The following ADGRV1 variants were observed in gnomAD, a reference collection of about 807,000 sequenced individuals.
ADGRV1 encodes adhesion G protein-coupled receptor V1, also known as G-protein coupled receptor 98.
A neutral mutation model predicts 596.2 loss-of-function variants in ADGRV1; 359 were observed. The observed-to-expected ratio is 0.60, with a 90% confidence interval of 0.55 to 0.66. The LOEUF (loss-of-function observed/expected upper bound fraction) is 0.66, where lower values mean the gene tolerates loss of function less well. ADGRV1 is among the 30% of genes least tolerant of loss of function. ADGRV1 has a pLI of 0.00. For missense variants in ADGRV1, 7,274 were observed against 7,575.6 expected, an observed-to-expected ratio of 0.96 and a Z score of 1.48; for synonymous variants, 2,681 against 2,679.2, an observed-to-expected ratio of 1.00 and a Z score of -0.02.
chr5:90,888,484 C>T (rs1389757165), intron 83 of ADGRV1, among the ~76,000 whole-genome samples: 1 of 151,844 alleles, frequency 6.6e-6, no homozygotes, highest in African/African-American at 2.4e-5. Flanking sequence ...TGCTTAAAAA[C>T]AAAATAATAC....
chr5:90,857,218 T>C (rs1408304182), intron 82 of ADGRV1, among the ~76,000 whole-genome samples: 1 of 152,088 alleles, frequency 6.6e-6, no homozygotes, highest in Non-Finnish European at 1.5e-5. Flanking sequence ...TATTTTACTT[T>C]TATGCTAATG....
In ADGRV1 at chr5:90,694,332, A is replaced by G. The variant is rs75191159; in HGVS notation, c.7576A>G (p.Ile2526Val). The part of the protein sequence containing the change: ...GDEFANLTVS[I>V]LPDDFPEMDE... The stretch of plus-strand genomic sequence containing the variant: ...TGAATTCGCAAATCTCACAGTGTCT[A>G]TTCTTCCTGATGATTTCCCAGAGAT... Residue 2526 changes from isoleucine (I) to valine (V), a missense_variant, in exon 33 of 90, where the codon ATT (isoleucine) becomes GTT (valine). Around this residue, in one of 5 missense-constraint regions of ADGRV1, gnomAD observed 3,643 missense variants for 3,809.2 expected, o/e 0.96. Transcript: ENST00000405460. 3.7e-3 allele frequency: 5,912 copies of G among 1,613,950 alleles called. 175 individuals are homozygous for G. In the African/African-American group the frequency reaches 0.068, roughly 19 times the overall value.
chr5:90,799,276 A>G (rs1456589114), intron 70 of ADGRV1, among the ~76,000 whole-genome samples: 5 of 152,200 alleles, frequency 3.3e-5, no homozygotes, highest in Non-Finnish European at 5.9e-5. Context: ...ATTCTTATAC[A>G]CCAATAACAA....
chr5:91,009,362 G>T (rs1178560767), intron 85 of ADGRV1, among the ~76,000 whole-genome samples: 1 of 152,116 alleles, frequency 6.6e-6, no homozygotes, highest in Non-Finnish European at 1.5e-5. Flanking sequence ...ACAGGTCTCA[G>T]ATTGTACTTA....
intron 89 of ADGRV1, among the ~76,000 whole-genome samples, chr5:91,156,767 A>G (rs1796513363): frequency 6.6e-6 from 1 of 152,194 alleles, no homozygotes; most frequent in Admixed American, 6.5e-5. Context: ...TGTAGTAATC[A>G]TGTATCAGCC....
chr5:90,837,163 T>C (rs1246995566), intron 77 of ADGRV1, among the ~76,000 whole-genome samples: 1 of 152,214 alleles, frequency 6.6e-6, no homozygotes, highest in Non-Finnish European at 1.5e-5. Context: ...GTCCTTCCTA[T>C]TTGAGACAAT....
chr5:90,935,654 C>G (rs990445940), intron 83 of ADGRV1, among the ~76,000 whole-genome samples: 2 of 152,142 alleles, frequency 1.3e-5, no homozygotes, highest in Admixed American at 6.5e-5. Context: ...TCTGTGGGCC[C>G]CACAAAATTT....
At chr5:91,122,340 G>A (rs1046232259) in intron 87 of ADGRV1, among the ~76,000 whole-genome samples, 2 of 152,174 alleles carry the variant, frequency 1.3e-5, no homozygotes, top group Non-Finnish European at 2.9e-5. Flanking sequence ...ACATTTCACA[G>A]TGGCATTTCC....
chr5:91,084,221 A>G (rs900273565), intron 86 of ADGRV1, among the ~76,000 whole-genome samples: 2 of 152,090 alleles, frequency 1.3e-5, no homozygotes, highest in African/African-American at 4.8e-5. Flanking sequence ...ACTGTTAAGG[A>G]TATTTTCACC....
chr5:91,047,500 T>C (rs1019383499), intron 85 of ADGRV1, among the ~76,000 whole-genome samples: 2 of 152,156 alleles, frequency 1.3e-5, no homozygotes, highest in African/African-American at 4.8e-5. Context: ...AGATGTAGGC[T>C]CGGAGGCTAA....
chr5:90,580,299 C>T (rs1003005890), intron 1 of ADGRV1, among the ~76,000 whole-genome samples: 12 of 152,148 alleles, frequency 7.9e-5, no homozygotes, highest in African/African-American at 2.9e-4. Flanking sequence ...TCTTGTAAGG[C>T]AGGCCTGGTG....
At chr5:90,704,532 C>A in intron 36 of ADGRV1, 44 bp downstream of exon 36, 3 of 1,225,014 alleles carry the variant, frequency 2.4e-6, no homozygotes, top group African/African-American at 1.5e-5. Context: ...ATATTCTTTT[C>A]GTAAAAGAAA....
intron 83 of ADGRV1, among the ~76,000 whole-genome samples, chr5:90,875,149 C>T (rs1769109247): frequency 6.6e-6 from 1 of 152,138 alleles, no homozygotes; most frequent in Admixed American, 6.5e-5. Context: ...ATTATGATTT[C>T]ACCACTGCAC....
chr5:90,813,157 A>AAAAAAAAAAG (rs1762595990), intron 74 of ADGRV1, among the ~76,000 whole-genome samples: 1 of 93,746 alleles, frequency 1.1e-5, no homozygotes, highest in African/African-American at 3.2e-5. Flanking sequence ...AAAAAAAAAA[A>AAAAAAAAAAG]AAAAAAATTT....
intron 77 of ADGRV1, among the ~76,000 whole-genome samples, chr5:90,840,153 C>T (rs1298469331): frequency 1.3e-5 from 2 of 152,092 alleles, no homozygotes; most frequent in East Asian, 1.9e-4. Context: ...TTCTGCTTTC[C>T]TCCCCTCTGC....
At chr5:90,979,962 C>T (rs2151027733) in intron 84 of ADGRV1, among the ~76,000 whole-genome samples, 1 of 152,328 alleles carries the variant, frequency 6.6e-6, no homozygotes, top group Middle Eastern at 3.4e-3. Context: ...ACCTTTACTT[C>T]TGGATGAGTC....
intron 78 of ADGRV1, among the ~76,000 whole-genome samples, chr5:90,847,095 GGTT>G (rs1765962529): frequency 6.6e-6 from 1 of 150,836 alleles, no homozygotes; most frequent in Non-Finnish European, 1.5e-5. Flanking sequence ...TAGACATAAA[GGTT>G]CTCCAAGCCC....
At chr5:90,819,590 T>A (rs562303036) in intron 75 of ADGRV1, among the ~76,000 whole-genome samples, 5 of 151,254 alleles carry the variant, frequency 3.3e-5, no homozygotes, top group African/African-American at 1.2e-4. Flanking sequence ...GCTTTGAATG[T>A]GTCCCAGAGA....
At chr5:90,945,481 A>G (rs1487558588) in intron 83 of ADGRV1, among the ~76,000 whole-genome samples, 1 of 152,158 alleles carries the variant, frequency 6.6e-6, no homozygotes, top group African/African-American at 2.4e-5. Context: ...AGAGACTTCC[A>G]TAGGAGGGCA....
Sources: gnomAD v4.1 joint callset for allele counts (sites outside exome capture counted in the v4.1 genomes callset) on GRCh38, gnomAD v4.1.1 for gene constraint, gnomAD v4.1.1 regional missense constraint, MANE v1.5 for transcripts, NCBI Gene and HGNC (gene_info 2026-07-23, HGNC 2026-07-21) for gene names.